The following FUCA1 variants were observed in gnomAD, a reference collection of about 807,000 sequenced individuals.
FUCA1 encodes the protein alpha-L-fucosidase 1.
FUCA1 carries 52 observed loss-of-function variants against 56.8 expected under a neutral mutation model. That is an observed-to-expected ratio of 0.92 (90% CI 0.73 to 1.15). FUCA1 has a LOEUF of 1.15. FUCA1 is among the 50% of genes most tolerant of loss of function. FUCA1 has a pLI of 0.00. For missense variants in FUCA1, 568 were observed against 592.6 expected (o/e 0.96, Z 0.43); for synonymous variants, 230 against 226.6 (o/e 1.02, Z -0.14).
intron 6 of FUCA1, among the ~76,000 whole-genome samples, chr1:23,848,395 T>C (rs888332834): frequency 3.9e-5 from 6 of 152,214 alleles, no homozygotes; most frequent in Non-Finnish European, 8.8e-5. Context: ...GGCAGGGTAA[T>C]AATCTCAATA....
At chr1:23,845,940 C>A in intron 7 of FUCA1, 85 bp from the exon 8 acceptor site, 1 of 1,568,284 alleles carries the variant, frequency 6.4e-7, no homozygotes, top group Non-Finnish European at 8.8e-7. Context: ...GAAACAGCCA[C>A]GCTGGGCCAG....
chr1:23,855,016 A>C (rs888207206), intron 4 of FUCA1, among the ~76,000 whole-genome samples: 1 of 152,148 alleles, frequency 6.6e-6, no homozygotes, highest in Non-Finnish European at 1.5e-5. Flanking sequence ...TGGAACTACA[A>C]ATCAGGTATC....
chr1:23,847,217 CAAAT>C (rs1295472644), intron 6 of FUCA1, among the ~76,000 whole-genome samples: 3 of 152,156 alleles, frequency 2.0e-5, no homozygotes, highest in African/African-American at 7.2e-5. Context: ...TCAGTTACTG[CAAAT>C]AAATAGAGCC....
chr1:23,864,140 G>A (rs1408260977), intron 2 of FUCA1, among the ~76,000 whole-genome samples: 1 of 144,174 alleles, frequency 6.9e-6, no homozygotes, highest in African/African-American at 2.6e-5. Flanking sequence ...AGGCTGGAGT[G>A]CAGTGGCGCA....
At position 23,867,744 on chromosome 1, in the gene FUCA1, T is replaced by A. The variant is rs536905700; in HGVS notation, c.389+154A>T. 1 of 985,358 alleles carries A rather than the reference T, an allele frequency of 1.0e-6. No individual in the cohort carries two copies. Among genetic ancestry groups the A allele is most frequent in the African/African-American group, 1.7e-5 (1 of 57,346 alleles). The allele number at this position is 985,358 out of a possible 1,614,324, so 61.0% of individuals were successfully genotyped here. ...CGCACCTCCTCCTCCTCATCAGGTG[T>A]GCCAGGCTCACTCCTGTGGCCGCAG... On this transcript the variant is annotated intron_variant, in intron 1 of 7. Transcript: ENST00000374479. This position sits in a 1 kb window ranked among gnomAD's most constrained non-coding sequence, Gnocchi z 4.9.
Position 23,867,952 on chromosome 1 carries a change from G to A in FUCA1, c.335C>T (p.Ala112Val). ...CCACTCCTCCGGGTGGAAGAAGCGC[G>A]CAGTGAACTGCGGTCCGAAGTCGGC... ...SYADFGPQFT[A>V]RFFHPEEWAD... Residue 112 changes from alanine (A) to valine (V), a missense_variant, in exon 1 of 8, where the codon GCG (alanine) becomes GTG (valine). Ala to Val is a moderately conservative substitution (Grantham distance 64, BLOSUM62 0). Transcript: ENST00000374479. The surrounding 1 kb of genome is among the most constrained non-coding windows in gnomAD (Gnocchi z 4.9). 2 of 1,578,042 alleles carry A rather than the reference G, an allele frequency of 1.3e-6. No homozygotes were observed. Among genetic ancestry groups the A allele is most frequent in the Non-Finnish European group, 1.7e-6 (2 of 1,162,980 alleles).
chr1:23,867,770 G>A lies in FUCA1; in HGVS notation c.389+128C>T, dbSNP rs1018162946. On this transcript the variant is annotated intron_variant, in intron 1 of 7. Transcript: ENST00000374479. This position sits in a 1 kb window ranked among gnomAD's most constrained non-coding sequence, Gnocchi z 4.9. Reference sequence around the variant, plus strand: ...GCCAGGCTCACTCCTGTGGCCGCAGGAGGCCACACGCGGGCCCCGGGGTCA... The same window carrying A: ...GCCAGGCTCACTCCTGTGGCCGCAGAAGGCCACACGCGGGCCCCGGGGTCA... 3 of 1,426,270 alleles carry A rather than the reference G, an allele frequency of 2.1e-6. No individual in the cohort carries two copies. The highest frequency in any genetic ancestry group is 1.5e-5 in the African/African-American group (1 of 67,502). The allele number at this position is 1,426,270 out of a possible 1,614,324, so 88.4% of individuals were successfully genotyped here.
At chr1:23,848,981 T>C in intron 5 of FUCA1, 142 bp from the exon 6 acceptor site, 1 of 753,662 alleles carries the variant, frequency 1.3e-6, no homozygotes, top group Non-Finnish European at 2.2e-6. Flanking sequence ...TTTTTTTTCT[T>C]TTTGAGCTGG....
intron 5 of FUCA1, among the ~76,000 whole-genome samples, chr1:23,852,901 G>A (rs1264562027): frequency 2.6e-5 from 4 of 151,250 alleles, no homozygotes; most frequent in African/African-American, 4.9e-5. Flanking sequence ...CCGCCACCCC[G>A]TCTGGGAAGT....
chr1:23,854,647 G>T, intron 4 of FUCA1, 87 bp from the exon 5 acceptor site: 4 of 1,138,058 alleles, frequency 3.5e-6, no homozygotes, highest in Non-Finnish European at 4.0e-6. Flanking sequence ...CTATTTGGAA[G>T]CAAGAAACTT....
At position 23,853,150 on chromosome 1, in the gene FUCA1, C is replaced by T. The variant is rs1247311061; in HGVS notation, c.969+1210G>A. Among the ~76,000 whole-genome samples the T allele has an allele frequency of 4.2e-4, 60 of 142,078 alleles. 1 individual carries two copies. Among genetic ancestry groups the T allele is most frequent in the African/African-American group, 1.5e-3 (55 of 37,506 alleles). The allele number at this position is 142,078 out of a possible 152,430, so 93.2% of individuals were successfully genotyped here. ...GCCGCCCCGTCTGGGATGTGAGGAGCGCCTCTGCCCGGCCGCGACCCCGTC... is the reference window on the plus strand; with the variant it reads ...GCCGCCCCGTCTGGGATGTGAGGAGTGCCTCTGCCCGGCCGCGACCCCGTC... On this transcript the variant is annotated intron_variant, in intron 5 of 7. Coordinates refer to ENST00000374479, the MANE Select transcript of FUCA1 (RefSeq NM_000147.5).
intron 5 of FUCA1, among the ~76,000 whole-genome samples, chr1:23,850,802 T>TA (rs1198128140): frequency 2.0e-5 from 3 of 152,164 alleles, no homozygotes; most frequent in African/African-American, 7.2e-5. Flanking sequence ...TTTTATTTTT[T>TA]AAAATAGAGA....
At chr1:23,865,813 G>C (rs1449468677) in intron 1 of FUCA1, among the ~76,000 whole-genome samples, 188 bp from the exon 2 acceptor site, 1 of 152,204 alleles carries the variant, frequency 6.6e-6, no homozygotes, top group Non-Finnish European at 1.5e-5. Context: ...ATTGCTCCAA[G>C]AATGGAAGCA....
Position 23,868,232 on chromosome 1 carries a change from G to A in FUCA1, c.55C>T (p.Leu19=), listed in dbSNP as rs776233426. The A allele has an allele frequency of 5.1e-6, 8 of 1,578,400 alleles. No individual in the cohort carries two copies. In the South Asian group the frequency reaches 9.1e-5, roughly 18 times the overall value. Residue 19 remains leucine (L), a synonymous_variant, in exon 1 of 8, where the codon CTG becomes TTG. Coordinates refer to ENST00000374479, the MANE Select transcript of FUCA1 (RefSeq NM_000147.5). ...GACTCGGCCGCTCCGAGGAAGAGCA[G>A]CAGCAGCAACAGCGCGGGACCCGCC... is the stretch of plus-strand genomic sequence containing the variant. ...RPAGPALLLL[L]LFLGAAESVR... is the part of the protein sequence containing the mutation.
chr1:23,865,425 G>A, intron 2 of FUCA1, 66 bp downstream of exon 2: 1 of 1,601,164 alleles, frequency 6.2e-7, no homozygotes, highest in South Asian at 1.1e-5. Context: ...CGCAAGTAGA[G>A]GAGGTACAGA....
intron 5 of FUCA1, among the ~76,000 whole-genome samples, chr1:23,852,746 G>A (rs1186174095): frequency 6.6e-6 from 1 of 152,332 alleles, no homozygotes; most frequent in East Asian, 1.9e-4. Context: ...CAGAGGTGCC[G>A]GGATTGCAGA....
chr1:23,865,296 CCAATT>C (rs1639599559), intron 2 of FUCA1, among the ~76,000 whole-genome samples, 190 bp downstream of exon 2: 1 of 152,170 alleles, frequency 6.6e-6, no homozygotes, highest in African/African-American at 2.4e-5. Flanking sequence ...TCAAACACTG[CCAATT>C]CAAAGGCCAG....
chr1:23,850,676 C>A (rs947922666), intron 5 of FUCA1, among the ~76,000 whole-genome samples: 3 of 151,992 alleles, frequency 2.0e-5, no homozygotes, highest in Admixed American at 6.6e-5. Flanking sequence ...TTAGTAGAGA[C>A]GGGGTTTCAC....
At chr1:23,853,501 C>T (rs11807370) in intron 5 of FUCA1, among the ~76,000 whole-genome samples, 38,830 of 149,534 alleles carry the variant, frequency 0.26, 5,142 homozygotes, top group Non-Finnish European at 0.32. Context: ...CGCCTCTGCC[C>T]GGCCGCCCCT....
Sources: gnomAD v4.1 joint callset for allele counts (sites outside exome capture counted in the v4.1 genomes callset) on GRCh38, gnomAD v4.1.1 for gene constraint, Gnocchi (gnomAD v3.1) non-coding constraint, MANE v1.5 for transcripts, NCBI Gene and HGNC (gene_info 2026-07-23, HGNC 2026-07-21) for gene names.